Variants in SYNJ1 observed in about 807,000 individuals in gnomAD.
The protein encoded by SYNJ1 is synaptojanin 1, also known as polyphosphatidylinositol phosphatase SYNJ1.
SYNJ1 carries 78 observed loss-of-function variants against 168.2 expected under a neutral mutation model. The observed-to-expected ratio is 0.46, with a 90% CI of 0.39 to 0.56. SYNJ1 has a LOEUF of 0.56. Among genes scored for constraint, SYNJ1 ranks in the 20% least tolerant of loss-of-function variants. SYNJ1 has a pLI of 0.00. For synonymous variants in SYNJ1, 539 were observed against 548.6 expected (o/e 0.98, Z 0.24); for missense variants, 1,303 against 1,597.6 (o/e 0.82, Z 3.14).
chr21:32,661,757 C>G (rs1052531843), intron 18 of SYNJ1, among the ~76,000 whole-genome samples: 20 of 152,224 alleles, frequency 1.3e-4, no homozygotes, highest in Admixed American at 7.8e-4. Flanking sequence ...AGATGCATCC[C>G]TTCTAACAGG....
intron 32 of SYNJ1, among the ~76,000 whole-genome samples, chr21:32,633,077 C>T (rs1336293402): frequency 6.6e-6 from 1 of 152,132 alleles, no homozygotes; most frequent in African/African-American, 2.4e-5. Flanking sequence ...ATTGACCCTC[C>T]TGTCTTGTAA....
rs80299581 is a variant in SYNJ1, at chr21:32,681,469, G to A, written c.1353+27C>T. Reference sequence around the variant, plus strand: ...GAAGAGAGGAAAAAGAGGATATTCTGTAATGTTATGATAGATCTAGATATA... The same window carrying A: ...GAAGAGAGGAAAAAGAGGATATTCTATAATGTTATGATAGATCTAGATATA... On this transcript the variant is annotated intron_variant, in intron 11 of 32. Coordinates refer to ENST00000674351, the MANE Select transcript of SYNJ1 (RefSeq NM_203446.3). The A allele has an allele frequency of 0.015, 24,308 of 1,573,780 alleles. 238 individuals carry two copies. The highest frequency in any genetic ancestry group is 0.018 in the Non-Finnish European group (20,980 of 1,159,510).
At chr21:32,649,343 G>A (rs1190260565) in intron 23 of SYNJ1, among the ~76,000 whole-genome samples, 1 of 152,106 alleles carries the variant, frequency 6.6e-6, no homozygotes, top group Admixed American at 6.6e-5. Context: ...TCTTAAATGT[G>A]GTACCTAGCT....
intron 16 of SYNJ1, 120 bp from the exon 17 acceptor site, chr21:32,666,255 T>TTTGAAATAGTACAGTGAAGCTA: frequency 7.0e-7 from 1 of 1,429,082 alleles, no homozygotes; most frequent in Non-Finnish European, 9.4e-7. Context: ...AGGGCAAGCC[T>TTTGAAATAGTACAGTGAAGCTA]TTGAAATAGT....
chr21:32,700,557 A>G (rs1407562207), intron 3 of SYNJ1, among the ~76,000 whole-genome samples: 1 of 152,180 alleles, frequency 6.6e-6, no homozygotes, highest in African/African-American at 2.4e-5. Context: ...CAGGAGGCTG[A>G]GGCAGGAGAA....
At chr21:32,727,793 C>T (rs1375072733) in intron 1 of SYNJ1, 153 bp downstream of exon 1, 1 of 1,437,234 alleles carries the variant, frequency 7.0e-7, no homozygotes, top group South Asian at 1.4e-5. Flanking sequence ...GCTCACAACC[C>T]CGCCCGTCCT....
rs111979656 is a variant in SYNJ1, at chr21:32,676,504, G to A, written c.1511-149C>T. 4.8e-5 allele frequency: 31 copies of A among 643,514 alleles called. 2 individuals carry two copies. Among genetic ancestry groups the A allele is most frequent in the African/African-American group, 3.4e-4 (18 of 53,418 alleles). The allele number at this position is 643,514 out of a possible 1,614,324, so 39.9% of individuals were successfully genotyped here. A position where few individuals can be genotyped will look rare whatever the true frequency, so the allele number is the denominator to read the frequency against. On this transcript the variant is annotated intron_variant, in intron 12 of 32. Transcript: ENST00000674351. ...TTTTCTGATAGCTATAGAACACCAA[G>A]TGTTACAAATAAACGACAATGATTG...
At chr21:32,658,029 T>C (rs1272876989) in intron 18 of SYNJ1, among the ~76,000 whole-genome samples, 157 bp from the exon 19 acceptor site, 4 of 152,154 alleles carry the variant, frequency 2.6e-5, no homozygotes, top group Non-Finnish European at 5.9e-5. Flanking sequence ...GAACAAAGCT[T>C]AGAAAAATAA....
chr21:32,711,222 A>C (rs1404385863), intron 2 of SYNJ1, among the ~76,000 whole-genome samples: 2 of 152,246 alleles, frequency 1.3e-5, no homozygotes, highest in African/African-American at 4.8e-5. Context: ...TAGACTACAG[A>C]AAACACTCAG....
intron 1 of SYNJ1, among the ~76,000 whole-genome samples, chr21:32,727,454 C>T (rs1402116339): frequency 6.6e-6 from 1 of 152,194 alleles, no homozygotes; most frequent in Non-Finnish European, 1.5e-5. Flanking sequence ...GGAAAAGGCA[C>T]AGGTTACCGC....
intron 26 of SYNJ1, 88 bp from the exon 27 acceptor site, chr21:32,643,545 A>G (rs1037496736): frequency 2.9e-6 from 4 of 1,386,544 alleles, no homozygotes; most frequent in Non-Finnish European, 4.0e-6. Context: ...TTCCATAGTA[A>G]ACTCACTTTT....
intron 17 of SYNJ1, 112 bp from the exon 18 acceptor site, chr21:32,665,183 G>A (rs2145917416): frequency 1.8e-6 from 2 of 1,116,920 alleles, no homozygotes; most frequent in Non-Finnish European, 2.5e-6. Flanking sequence ...CTGTTTCTTT[G>A]ACCCAACAGT....
intron 4 of SYNJ1, among the ~76,000 whole-genome samples, chr21:32,697,571 G>A (rs922810564): frequency 6.6e-5 from 10 of 151,934 alleles, no homozygotes; most frequent in Non-Finnish European, 1.5e-5. Context: ...GGCTAAGGTG[G>A]GGGGGATCAC....
Position 32,694,270 on chromosome 21 carries a change from G to A in SYNJ1, c.747C>T (p.Ile249=), listed in dbSNP as rs766187063. ...LDDSVSSFIQ[I]RGSVPLFWEQ... ...CCCAGAACAATGGAACAGATCCTCG[G>A]ATTTGTATGAAGGAAGAAACTGAGT... The change falls in exon 6 of 33, where the codon ATC becomes ATT. Residue 249 remains isoleucine (I), a synonymous_variant. Transcript: ENST00000674351. 3 of 1,568,414 alleles carry A rather than the reference G, an allele frequency of 1.9e-6. No individual in the cohort carries two copies. Among genetic ancestry groups the A allele is most frequent in the Non-Finnish European group, 2.6e-6 (3 of 1,160,990 alleles).
intron 18 of SYNJ1, among the ~76,000 whole-genome samples, chr21:32,663,405 A>G (rs1305296935): frequency 3.3e-5 from 5 of 152,314 alleles, no homozygotes; most frequent in Non-Finnish European, 5.9e-5. Context: ...GTAAATTCCC[A>G]AAGTTGCAAA....
chr21:32,721,543 G>T (rs930308716), intron 2 of SYNJ1, among the ~76,000 whole-genome samples: 38 of 151,916 alleles, frequency 2.5e-4, no homozygotes, highest in African/African-American at 8.5e-4. Flanking sequence ...GCTAGGTGTG[G>T]TGGGGGGCGC....
rs895141708 is a variant in SYNJ1 at position 32,629,947 on chromosome 21, A to G, written c.*1858T>C. On this transcript the variant is annotated 3_prime_UTR_variant, in exon 33 of 33. Transcript: ENST00000674351. ...AGAACACACACTGGGTATATTCCCAATTCAAAGCACTCAGGGGACAGCTGC... is the reference window on the plus strand; with the variant it reads ...AGAACACACACTGGGTATATTCCCAGTTCAAAGCACTCAGGGGACAGCTGC... 2 of 152,458 alleles carry G rather than the reference A, an allele frequency of 1.3e-5. No individual in the cohort carries two copies. Among genetic ancestry groups the G allele is most frequent in the African/African-American group, 4.8e-5 (2 of 41,480 alleles). The allele number at this position is 152,458 out of a possible 1,614,324, so 9.4% of individuals were successfully genotyped here.
intron 7 of SYNJ1, 151 bp downstream of exon 7, chr21:32,688,155 C>T (rs1052676394): frequency 4.4e-6 from 3 of 683,272 alleles, no homozygotes; most frequent in Non-Finnish European, 7.3e-6. Flanking sequence ...CCCCAGAAGT[C>T]GTAACACTAG....
intron 18 of SYNJ1, among the ~76,000 whole-genome samples, 155 bp downstream of exon 18, chr21:32,664,758 C>T (rs1238216202): frequency 2.0e-5 from 3 of 152,186 alleles, no homozygotes; most frequent in African/African-American, 7.2e-5. Flanking sequence ...CATCCTGCTA[C>T]ACTTTAAGGA....
Sources: gnomAD v4.1 joint callset for allele counts (sites outside exome capture counted in the v4.1 genomes callset) on GRCh38, gnomAD v4.1.1 for gene constraint, MANE v1.5 for transcripts, NCBI Gene and HGNC (gene_info 2026-07-23, HGNC 2026-07-21) for gene names.